CPNE8: variants seen among roughly 807,000 people sequenced by gnomAD.
The protein encoded by CPNE8 is copine 8.
Under a neutral mutation model 81.5 loss-of-function variants are expected in CPNE8, and 45 were observed. That is an observed-to-expected ratio of 0.55 (90% confidence interval 0.44 to 0.71). The LOEUF (loss-of-function observed/expected upper bound fraction) is 0.71. Ranked by LOEUF, CPNE8 falls within the 30% of genes least tolerant of loss-of-function variation. CPNE8 has a pLI of 0.00. For synonymous variants in CPNE8, 252 were observed against 226.3 expected (o/e 1.11, Z -1.02); for missense variants, 594 against 672.1 (o/e 0.88, Z 1.28).
intron 2 of CPNE8, 50 bp from the exon 3 acceptor site, chr12:38,873,100 A>G (rs748674277): frequency 1.8e-6 from 2 of 1,102,682 alleles, no homozygotes; most frequent in South Asian, 1.3e-5. Context: ...TATGAAAATC[A>G]TATGTGAATG....
chr12:38,674,402 G>A (rs1592002002), intron 18 of CPNE8, among the ~76,000 whole-genome samples: 1 of 152,092 alleles, frequency 6.6e-6, no homozygotes, highest in East Asian at 1.9e-4. Flanking sequence ...AAAGTCAAAA[G>A]CAAATAGTAG....
chr12:38,783,512 C>T lies in CPNE8; in HGVS notation c.408-7211G>A, dbSNP rs568803237. On this transcript the variant is annotated intron_variant, in intron 6 of 19. Transcript: ENST00000331366. ...GTGAGGTATTGAACTCAGTGCTGCC[C>T]TGTTATAGCAGAAAGTAAAACCAAA... Among the ~76,000 whole-genome samples the T allele has an allele frequency of 7.2e-5, 11 of 152,204 alleles. No individual in the cohort carries two copies. In the South Asian group the frequency reaches 2.3e-3, roughly 32 times the overall value.
At chr12:38,785,842 G>T (rs988846125) in intron 6 of CPNE8, among the ~76,000 whole-genome samples, 1 of 152,042 alleles carries the variant, frequency 6.6e-6, no homozygotes, top group African/African-American at 2.4e-5. Context: ...TTGTTAAAAG[G>T]CTGAAATAAT....
At chr12:38,750,347 G>A (rs1270735154) in intron 10 of CPNE8, among the ~76,000 whole-genome samples, 1 of 152,152 alleles carries the variant, frequency 6.6e-6, no homozygotes, top group Non-Finnish European at 1.5e-5. Flanking sequence ...GTGGAGCTGT[G>A]AGAAGAGGGC....
intron 3 of CPNE8, among the ~76,000 whole-genome samples, chr12:38,850,734 T>C (rs1592137013): frequency 6.6e-6 from 1 of 152,178 alleles, no homozygotes; most frequent in East Asian, 1.9e-4. Flanking sequence ...TTTCCTGACT[T>C]TTGACACCAC....
chr12:38,879,669 A>T (rs995979625), intron 1 of CPNE8, among the ~76,000 whole-genome samples: 1 of 152,168 alleles, frequency 6.6e-6, no homozygotes, highest in African/African-American at 2.4e-5. Flanking sequence ...TTGTTAAAAA[A>T]TCCTTTAAAA....
At chr12:38,776,842 G>GCA (rs1941948790) in intron 6 of CPNE8, among the ~76,000 whole-genome samples, 2 of 152,192 alleles carry the variant, frequency 1.3e-5, no homozygotes, top group South Asian at 4.2e-4. Flanking sequence ...TTAGCACAGA[G>GCA]CATTACTCAT....
At chr12:38,682,257 T>C (rs1001791413) in intron 16 of CPNE8, among the ~76,000 whole-genome samples, 18 of 151,966 alleles carry the variant, frequency 1.2e-4, no homozygotes, top group African/African-American at 3.9e-4. Context: ...ATTATAACTT[T>C]GTTAATTAAA....
At chr12:38,797,127 C>T (rs1047865556) in intron 6 of CPNE8, among the ~76,000 whole-genome samples, 11 of 152,188 alleles carry the variant, frequency 7.2e-5, no homozygotes, top group Non-Finnish European at 1.2e-4. Flanking sequence ...AGGGCACAGA[C>T]AAACAAAAAG....
intron 7 of CPNE8, among the ~76,000 whole-genome samples, chr12:38,772,182 T>C (rs1941816671): frequency 1.3e-5 from 2 of 152,162 alleles, no homozygotes; most frequent in Non-Finnish European, 2.9e-5. Context: ...TCTGCCACAA[T>C]GTGAAACAGT....
intron 19 of CPNE8, among the ~76,000 whole-genome samples, chr12:38,655,085 A>G (rs1938788169): frequency 6.6e-6 from 1 of 152,208 alleles, no homozygotes; most frequent in African/African-American, 2.4e-5. Flanking sequence ...TTATGGAAAT[A>G]TCATCATTCT....
At chr12:38,799,587 G>C (rs930154455) in intron 6 of CPNE8, among the ~76,000 whole-genome samples, 4 of 152,090 alleles carry the variant, frequency 2.6e-5, no homozygotes, top group African/African-American at 9.7e-5. Flanking sequence ...GCCCACAAGA[G>C]AAAGCAGGAA....
intron 6 of CPNE8, among the ~76,000 whole-genome samples, chr12:38,783,915 C>A (rs989512140): frequency 6.6e-6 from 1 of 152,150 alleles, no homozygotes; most frequent in African/African-American, 2.4e-5. Context: ...CAAGCCCAGA[C>A]AGTGAAGACT....
rs113175751 is a variant in CPNE8 at position 38,819,064 on chromosome 12, T to C, written c.407+10315A>G. ...TGTCAGATTGATACATTTCAAAAAA[T>C]TTTTCCCATTCTGTGGGTTGCCTGT... On this transcript the variant is annotated intron_variant, in intron 6 of 19. Transcript: ENST00000331366. Among the ~76,000 whole-genome samples, 914 of 152,296 alleles carry C rather than the reference T, an allele frequency of 6.0e-3. 13 individuals carry two copies. The highest frequency in any genetic ancestry group is 0.021 in the African/African-American group (871 of 41,564).
intron 6 of CPNE8, among the ~76,000 whole-genome samples, chr12:38,809,346 T>A (rs1213465994): frequency 6.6e-6 from 1 of 152,186 alleles, no homozygotes; most frequent in African/African-American, 2.4e-5. Context: ...AACAAGTAGG[T>A]TGAGTGCCTC....
chr12:38,670,937 T>C, intron 18 of CPNE8, 135 bp from the exon 19 acceptor site: 1 of 572,384 alleles, frequency 1.7e-6, no homozygotes, highest in East Asian at 3.1e-5. Context: ...GATCCCTTCA[T>C]GTCTTCATTC....
Position 38,767,644 on chromosome 12 carries a change from T to C in CPNE8, c.566A>G (p.Glu189Gly), listed in dbSNP as rs745906532. ...TAAAAGATAAATCTACCTGCCATCTTCATTACTTCGATAAAATACAAGGAA... is the reference window on the plus strand; with the variant it reads ...TAAAAGATAAATCTACCTGCCATCTCCATTACTTCGATAAAATACAAGGAA... ...DPFLVFYRSN[E>G]DGSFTICHKT... Residue 189 changes from glutamate to glycine, a missense_variant, in exon 8 of 20, where the codon GAA (glutamate) becomes GGA (glycine). Transcript: ENST00000331366. The C allele has an allele frequency of 6.4e-7, 1 of 1,552,508 alleles. No individual in the cohort carries two copies.
Position 38,704,916 on chromosome 12 carries a change from GTT to G in CPNE8, c.915-1997_915-1996del, listed in dbSNP as rs71068574. 2.2e-3 allele frequency among the ~76,000 whole-genome samples: 205 copies of G among 95,292 alleles called. 1 individual carries two copies. The highest frequency in any genetic ancestry group is 6.8e-3 in the African/African-American group (174 of 25,544). The allele number at this position is 95,292 out of a possible 152,430, so 62.5% of individuals were successfully genotyped here. A position where few individuals can be genotyped will look rare whatever the true frequency, so the allele number is the denominator to read the frequency against. ...AAACTTATTTTAGTGAATTAGTTTA[GTT>G]TTTTTTTTTTTTTTTGCTGATGGAA... On this transcript the variant is annotated intron_variant, in intron 13 of 19. Coordinates refer to ENST00000331366, the MANE Select transcript of CPNE8 (RefSeq NM_153634.3).
intron 10 of CPNE8, among the ~76,000 whole-genome samples, chr12:38,744,164 A>G (rs1719846): frequency 0.81 from 122,621 of 152,092 alleles, 52,413 homozygotes; most frequent in Middle Eastern, 0.97. Context: ...AGAGTAAAAC[A>G]CAGAGAGGTC....
Sources: allele counts gnomAD v4.1 joint callset (sites outside exome capture counted in the v4.1 genomes callset), GRCh38; gene constraint gnomAD v4.1.1; transcripts MANE v1.5; gene names NCBI Gene and HGNC (gene_info 2026-07-23, HGNC 2026-07-21).